The following C1QTNF3 variants were observed in gnomAD, a reference collection of about 807,000 sequenced individuals.
The protein encoded by C1QTNF3 is complement C1q tumor necrosis factor-related protein 3.
In C1QTNF3, 26 loss-of-function variants were observed where a neutral mutation model predicts 32.6. The ratio of observed to expected loss-of-function variants is 0.80; its 90% CI spans 0.58 to 1.11. The LOEUF (loss-of-function observed/expected upper bound fraction) is 1.11, where lower values mean the gene tolerates loss of function less well. Among genes scored for constraint, C1QTNF3 ranks in the 50% least tolerant of loss-of-function variants. C1QTNF3 has a pLI of 0.00. For synonymous variants in C1QTNF3, 155 were observed against 146.0 expected (o/e 1.06, Z -0.44); for missense variants, 362 against 398.2 (o/e 0.91, Z 0.77).
At chr5:34,046,001 C>G (rs1441490260), upstream of C1QTNF3, among the ~76,000 whole-genome samples, 2 of 152,054 alleles carry the variant, frequency 1.3e-5, no homozygotes, top group African/African-American at 4.8e-5. Flanking sequence ...GCAGACAAAG[C>G]CAATTAGGTT....
chr5:34,029,806 AT>A, intron 3 of C1QTNF3, among the ~76,000 whole-genome samples: 1 of 152,222 alleles, frequency 6.6e-6, no homozygotes, highest in Non-Finnish European at 1.5e-5. Context: ...ATAGGATTGT[AT>A]TTATTTATAT....
chr5:34,034,756 C>T (rs1348007761), intron 2 of C1QTNF3, among the ~76,000 whole-genome samples: 1 of 152,196 alleles, frequency 6.6e-6, no homozygotes, highest in Non-Finnish European at 1.5e-5. Context: ...GTAGGCCCTA[C>T]CCCTACATCA....
chr5:34,114,605 A>T, the C1QTNF3 span, among the ~76,000 whole-genome samples: 3 of 151,890 alleles, frequency 2.0e-5, no homozygotes, highest in African/African-American at 7.3e-5. Context: ...TCTTATTTTG[A>T]CAGATCATTT....
upstream of C1QTNF3, among the ~76,000 whole-genome samples, chr5:34,045,230 C>T (rs903561356): frequency 3.9e-5 from 6 of 152,228 alleles, no homozygotes; most frequent in African/African-American, 1.4e-4. Flanking sequence ...CTCTGACTTT[C>T]TACCGCATTG....
chr5:34,142,367 G>A, the C1QTNF3 span, among the ~76,000 whole-genome samples: 1,085 of 152,012 alleles, frequency 7.1e-3, 11 homozygotes, highest in Middle Eastern at 0.027. Context: ...GGGAGGCAGA[G>A]GTTGCAGTGA....
chr5:34,129,376 T>TA, the C1QTNF3 span, among the ~76,000 whole-genome samples: 44 of 152,296 alleles, frequency 2.9e-4, no homozygotes, highest in African/African-American at 8.7e-4. Context: ...GTGGACTCTA[T>TA]AATAGCTGAA....
chr5:34,164,687 C>T, the C1QTNF3 span: 5 of 151,934 alleles, frequency 3.3e-5, no homozygotes, highest in Non-Finnish European at 7.4e-5. Flanking sequence ...AAGAGACAGA[C>T]TAACACCACA....
At chr5:34,112,206 C>A in the C1QTNF3 span, among the ~76,000 whole-genome samples, 1 of 152,084 alleles carries the variant, frequency 6.6e-6, no homozygotes, top group Non-Finnish European at 1.5e-5. Flanking sequence ...ATATTATAGG[C>A]CATGGACAGA....
chr5:34,037,628 A>C (rs1579609646), intron 1 of C1QTNF3, among the ~76,000 whole-genome samples: 1 of 152,200 alleles, frequency 6.6e-6, no homozygotes, highest in Non-Finnish European at 1.5e-5. Flanking sequence ...TATAACTTAG[A>C]GCTAACTCCT....
chr5:34,029,777 A>T (rs1460944108), intron 3 of C1QTNF3, among the ~76,000 whole-genome samples: 12 of 152,222 alleles, frequency 7.9e-5, no homozygotes, highest in Non-Finnish European at 2.9e-5. Flanking sequence ...TTCAGAAAAA[A>T]GATACTAATT....
the C1QTNF3 span, among the ~76,000 whole-genome samples, chr5:34,208,678 T>A: frequency 6.6e-6 from 1 of 151,962 alleles, no homozygotes; most frequent in Non-Finnish European, 1.5e-5. Flanking sequence ...GTATATACAG[T>A]GTAACATACA....
the C1QTNF3 span, among the ~76,000 whole-genome samples, chr5:34,137,373 C>A: frequency 6.6e-6 from 1 of 152,188 alleles, no homozygotes; most frequent in African/African-American, 2.4e-5. Context: ...ATGAAAATGT[C>A]GTCTTCCTTC....
chr5:34,161,178 A>G, the C1QTNF3 span, among the ~76,000 whole-genome samples: 3 of 152,216 alleles, frequency 2.0e-5, no homozygotes, highest in Admixed American at 2.0e-4. Context: ...TCTCGCATTA[A>G]GTTCACCATA....
At chr5:34,056,496 A>C in the C1QTNF3 span, among the ~76,000 whole-genome samples, 4 of 127,168 alleles carry the variant, frequency 3.1e-5, no homozygotes, top group Non-Finnish European at 3.3e-5. Context: ...AGAGAGAGAG[A>C]GAGAGAGAGA....
chr5:34,241,947 G>A, the C1QTNF3 span, among the ~76,000 whole-genome samples: 3 of 86,174 alleles, frequency 3.5e-5, no homozygotes, highest in East Asian at 4.9e-4. Flanking sequence ...GAGGAAGGGA[G>A]GGAGGGAAGG....
At chr5:34,220,813 A>C in the C1QTNF3 span, among the ~76,000 whole-genome samples, 3 of 152,030 alleles carry the variant, frequency 2.0e-5, no homozygotes, top group African/African-American at 7.2e-5. Flanking sequence ...ACCCCTACAG[A>C]ATGATCAGAA....
At chr5:34,148,133 T>C in the C1QTNF3 span, among the ~76,000 whole-genome samples, 1 of 149,680 alleles carries the variant, frequency 6.7e-6, no homozygotes, top group Non-Finnish European at 1.5e-5. Context: ...CACCCGAATA[T>C]TGCGCTTTTC....
the C1QTNF3 span, among the ~76,000 whole-genome samples, chr5:34,161,261 C>T: frequency 5.3e-3 from 802 of 152,028 alleles, 3 homozygotes; most frequent in Non-Finnish European, 8.1e-3. Flanking sequence ...GCTTCAGAGC[C>T]GAACTTTATG....
chr5:34,134,368 A>G, the C1QTNF3 span, among the ~76,000 whole-genome samples: 2 of 152,042 alleles, frequency 1.3e-5, no homozygotes, highest in African/African-American at 4.8e-5. Flanking sequence ...AGGCTGCTTC[A>G]CAGGGTTTCT....
Sources: gnomAD v4.1 joint callset for allele counts (sites outside exome capture counted in the v4.1 genomes callset) on GRCh38, gnomAD v4.1.1 for gene constraint, MANE v1.5 for transcripts, NCBI Gene and HGNC (gene_info 2026-07-23, HGNC 2026-07-21) for gene names.